ANKFN1: variants seen among roughly 807,000 people sequenced by gnomAD.
ANKFN1 encodes ankyrin repeat and fibronectin type-III domain-containing protein 1.
A neutral mutation model predicts 108.7 loss-of-function variants in ANKFN1; 74 were observed. The observed-to-expected ratio is 0.68, with a 90% CI of 0.56 to 0.83. ANKFN1 has a LOEUF of 0.83. Among genes scored for constraint, ANKFN1 ranks in the 40% least tolerant of loss-of-function variants. The probability of loss-of-function intolerance (pLI) is 0.00; values close to 1 mark genes in which losing one functional copy is unlikely to be tolerated. For synonymous variants in ANKFN1, 547 were observed against 516.2 expected, an observed-to-expected ratio of 1.06 and a Z score of -0.81; for missense variants, 1,505 against 1,382.3, an observed-to-expected ratio of 1.09 and a Z score of -1.41.
chr17:56,503,741 A>T lies in ANKFN1; in HGVS notation c.2644+4643A>T, dbSNP rs148501085. On this transcript the variant is annotated intron_variant, in intron 20 of 20. Transcript: ENST00000682825. ...GTTGGCCTGACCCACAGAGACCAGG[A>T]GTTACAACACTCATTACAATGGCAA... is the stretch of plus-strand genomic sequence containing the variant. 5.8e-3 allele frequency among the ~76,000 whole-genome samples: 883 copies of T among 151,836 alleles called. 10 individuals are homozygous for T. Among genetic ancestry groups the T allele is most frequent in the African/African-American group, 0.021 (849 of 41,342 alleles).
Position 56,160,353 on chromosome 17 carries a change from C to T in ANKFN1, c.-71+6823C>T, listed in dbSNP as rs192389653. On this transcript the variant is annotated intron_variant, in intron 1 of 20. Coordinates refer to ENST00000682825, the MANE Select transcript of ANKFN1 (RefSeq NM_001370326.1). Reference sequence around the variant, plus strand: ...AGTTTCTAGGAAAGTAATGTAGGATCAGTGTGGTCCTTGTTACACAGTTTT... The same window carrying T: ...AGTTTCTAGGAAAGTAATGTAGGATTAGTGTGGTCCTTGTTACACAGTTTT... Among the ~76,000 whole-genome samples the T allele has an allele frequency of 3.3e-5, 5 of 152,330 alleles. No homozygotes were observed. In the East Asian group the frequency reaches 9.6e-4, roughly 29 times the overall value.
intron 8 of ANKFN1, among the ~76,000 whole-genome samples, chr17:56,388,466 A>G (rs1054536733): frequency 6.6e-6 from 1 of 152,168 alleles, no homozygotes; most frequent in Non-Finnish European, 1.5e-5. Context: ...CTGTGCAATT[A>G]TAGCTACAAA....
At chr17:56,401,911 G>A (rs959227804) in intron 8 of ANKFN1, among the ~76,000 whole-genome samples, 1 of 152,014 alleles carries the variant, frequency 6.6e-6, no homozygotes, top group African/African-American at 2.4e-5. Flanking sequence ...AAGCAATGCT[G>A]GATTTTGTTG....
intron 1 of ANKFN1, among the ~76,000 whole-genome samples, chr17:56,185,428 C>T (rs1157116756): frequency 6.6e-6 from 1 of 152,148 alleles, no homozygotes; most frequent in African/African-American, 2.4e-5. Flanking sequence ...TTTATAACCC[C>T]CCTTCCCATA....
At position 56,189,170 on chromosome 17, in the gene ANKFN1, C is replaced by CATTTTTTTTTTTTTTT. The variant is rs1555607722; in HGVS notation, c.-70-23428_-70-23427insATTTTTTTTTTTTTTT. Among the ~76,000 whole-genome samples, 34 of 85,258 alleles carry CATTTTTTTTTTTTTTT rather than the reference C, an allele frequency of 4.0e-4. 1 individual carries two copies. The highest frequency in any genetic ancestry group is 1.4e-3 in the African/African-American group (20 of 14,758). The allele number at this position is 85,258 out of a possible 152,430, so 55.9% of individuals were successfully genotyped here. A position where few individuals can be genotyped will look rare whatever the true frequency, so the allele number is the denominator to read the frequency against. The stretch of plus-strand genomic sequence containing the variant: ...CCTAAGTAAGTAAATGTTGCCCTGA[C>CATTTTTTTTTTTTTTT]TTTTTTTTTTTTTTTTTTGAGACGG... On this transcript the variant is annotated intron_variant, in intron 1 of 20. Coordinates refer to ENST00000682825, the MANE Select transcript of ANKFN1 (RefSeq NM_001370326.1).
intron 8 of ANKFN1, among the ~76,000 whole-genome samples, chr17:56,408,258 T>C (rs1027309083): frequency 1.1e-4 from 16 of 152,144 alleles, no homozygotes; most frequent in Non-Finnish European, 1.9e-4. Context: ...TTTATAATGG[T>C]CAATCAGTTG....
chr17:56,360,592 A>G (rs1179032567), intron 6 of ANKFN1, among the ~76,000 whole-genome samples: 1 of 152,200 alleles, frequency 6.6e-6, no homozygotes, highest in Non-Finnish European at 1.5e-5. Flanking sequence ...TAGACACTCA[A>G]CTGAATTTAA....
intron 2 of ANKFN1, among the ~76,000 whole-genome samples, chr17:56,216,366 G>C (rs1915425781): frequency 6.6e-6 from 1 of 152,190 alleles, no homozygotes; most frequent in Non-Finnish European, 1.5e-5. Flanking sequence ...AAAGATTTCT[G>C]TGAGTCTGTA....
At chr17:56,231,304 A>G (rs571302848) in intron 3 of ANKFN1, among the ~76,000 whole-genome samples, 3 of 152,232 alleles carry the variant, frequency 2.0e-5, no homozygotes, top group East Asian at 3.9e-4. Flanking sequence ...CTCAAGATCT[A>G]TGCATCAGAA....
chr17:56,371,750 T>A (rs2046816942), intron 6 of ANKFN1, among the ~76,000 whole-genome samples: 1 of 152,118 alleles, frequency 6.6e-6, no homozygotes, highest in Non-Finnish European at 1.5e-5. Flanking sequence ...GAGGAGATCA[T>A]AAGAGGCAGC....
intron 1 of ANKFN1, among the ~76,000 whole-genome samples, chr17:56,165,334 A>G (rs1910048129): frequency 6.6e-6 from 1 of 152,138 alleles, no homozygotes; most frequent in Non-Finnish European, 1.5e-5. Context: ...TTGCTATTAC[A>G]TAGACTGCTA....
At chr17:56,107,118 G>A (rs8077081) in intron 4 of ANKFN1, among the ~76,000 whole-genome samples, 24,026 of 152,018 alleles carry the variant, frequency 0.16, 2,075 homozygotes, top group East Asian at 0.28. Flanking sequence ...GGTGGATGTT[G>A]GTTTCCTCTC....
At position 56,057,885 on chromosome 17, in the gene ANKFN1, C is replaced by T. The variant is rs946327476; in HGVS notation, c.288+11560C>T. Reference sequence around the variant, plus strand: ...ATGACATTAATTTCCTTCTAGATCTCCATCGGAGATCATCTTCTTCTCCAT... The same window carrying T: ...ATGACATTAATTTCCTTCTAGATCTTCATCGGAGATCATCTTCTTCTCCAT... On this transcript the variant is annotated intron_variant, in intron 4 of 12. Coordinates refer to the ANKFN1 transcript ENST00000635860. Among the ~76,000 whole-genome samples, 10 of 152,150 alleles carry T rather than the reference C, an allele frequency of 6.6e-5. 1 individual carries two copies. Among genetic ancestry groups the T allele is most frequent in the Admixed American group, 6.5e-4 (10 of 15,278 alleles).
At chr17:56,111,464 A>G (rs534957306) in intron 4 of ANKFN1, among the ~76,000 whole-genome samples, 1 of 151,832 alleles carries the variant, frequency 6.6e-6, no homozygotes, top group South Asian at 2.1e-4. Context: ...GAAGCCATGC[A>G]TGCCATACCT....
At chr17:56,064,276 G>T (rs1272057509) in intron 4 of ANKFN1, among the ~76,000 whole-genome samples, 1 of 152,220 alleles carries the variant, frequency 6.6e-6, no homozygotes, top group Non-Finnish European at 1.5e-5. Flanking sequence ...GGTGTGCTGT[G>T]CTGGGGGAAA....
intron 1 of ANKFN1, among the ~76,000 whole-genome samples, chr17:56,183,093 T>C (rs559946386): frequency 5.9e-5 from 9 of 152,316 alleles, no homozygotes; most frequent in African/African-American, 1.2e-4. Flanking sequence ...AGAGCTCTAA[T>C]AGAGATCTGC....
At chr17:56,284,183 T>C (rs1457106000) in intron 3 of ANKFN1, among the ~76,000 whole-genome samples, 1 of 152,180 alleles carries the variant, frequency 6.6e-6, no homozygotes, top group Non-Finnish European at 1.5e-5. Context: ...TGATTTTCCT[T>C]AAAGCCCACT....
intron 4 of ANKFN1, among the ~76,000 whole-genome samples, chr17:56,046,872 C>T (rs6505025): frequency 0.05 from 7,533 of 152,174 alleles, 616 homozygotes; most frequent in African/African-American, 0.17. Flanking sequence ...AGTCTGGGCA[C>T]GGAAAAGCAT....
intron 4 of ANKFN1, among the ~76,000 whole-genome samples, chr17:56,334,726 CATAA>C (rs1029163056): frequency 6.6e-6 from 1 of 151,996 alleles, no homozygotes; most frequent in Non-Finnish European, 1.5e-5. Context: ...AAAGTCAAAA[CATAA>C]ATAAAGTTCA....
Sources: gnomAD v4.1 joint callset for allele counts (sites outside exome capture counted in the v4.1 genomes callset) on GRCh38, gnomAD v4.1.1 for gene constraint, MANE v1.5 for transcripts, NCBI Gene and HGNC (gene_info 2026-07-23, HGNC 2026-07-21) for gene names.